CSMD1: variants seen among roughly 807,000 people sequenced by gnomAD.
The protein encoded by CSMD1 is CUB and Sushi multiple domains 1.
CSMD1 carries 213 observed loss-of-function variants against 417.5 expected under a neutral mutation model. That is an observed-to-expected ratio of 0.51 (90% confidence interval 0.46 to 0.57). The LOEUF (loss-of-function observed/expected upper bound fraction) is 0.57. CSMD1 is among the 20% of genes least tolerant of loss of function. The pLI is 0.00. For missense variants in CSMD1, 6,923 were observed against 4,529.7 expected (o/e 1.53, Z -15.17); for synonymous variants, 2,862 against 1,736.8 (o/e 1.65, Z -16.11).
At chr8:4,158,092 T>C (rs1340061153) in intron 3 of CSMD1, among the ~76,000 whole-genome samples, 2 of 149,848 alleles carry the variant, frequency 1.3e-5, no homozygotes, top group Non-Finnish European at 1.5e-5. Context: ...GAAAACCCTT[T>C]TTTTTTTTTT....
chr8:4,816,157 G>T (rs1298250139), intron 1 of CSMD1, among the ~76,000 whole-genome samples: 1 of 151,948 alleles, frequency 6.6e-6, no homozygotes, highest in Non-Finnish European at 1.5e-5. Context: ...TGCATGCTTT[G>T]GCTCAGGTTG....
intron 1 of CSMD1, among the ~76,000 whole-genome samples, chr8:4,940,546 T>C (rs1310347884): frequency 6.6e-6 from 1 of 152,208 alleles, no homozygotes; most frequent in East Asian, 1.9e-4. Flanking sequence ...TGAAAATTCA[T>C]CCACACAGTA....
At chr8:4,590,152 G>A (rs1381077387) in intron 2 of CSMD1, among the ~76,000 whole-genome samples, 1 of 151,808 alleles carries the variant, frequency 6.6e-6, no homozygotes, top group African/African-American at 2.4e-5. Context: ...AGTGAATTTT[G>A]CTCAGAATTC....
chr8:4,043,968 G>A (rs189514554), intron 3 of CSMD1, among the ~76,000 whole-genome samples: 5 of 152,022 alleles, frequency 3.3e-5, no homozygotes, highest in African/African-American at 9.7e-5. Context: ...TGATATAATT[G>A]AAATGCTTTT....
chr8:4,078,313 C>CT (rs34359373), intron 3 of CSMD1, among the ~76,000 whole-genome samples: 6,809 of 131,216 alleles, frequency 0.052, 293 homozygotes, highest in African/African-American at 0.1. Context: ...TGATATCCAA[C>CT]TTTTTTTTTT....
intron 3 of CSMD1, among the ~76,000 whole-genome samples, chr8:4,354,072 T>C (rs1801256820): frequency 6.6e-6 from 1 of 152,176 alleles, no homozygotes; most frequent in African/African-American, 2.4e-5. Flanking sequence ...ATTTCAGAAA[T>C]CTGCATGGCA....
chr8:3,902,706 G>C (rs911528559), intron 5 of CSMD1, among the ~76,000 whole-genome samples: 8 of 152,042 alleles, frequency 5.3e-5, no homozygotes, highest in African/African-American at 1.9e-4. Context: ...CTGTGGACTG[G>C]TACCAGTCCA....
chr8:4,236,879 G>A (rs1286409101), intron 3 of CSMD1, among the ~76,000 whole-genome samples: 1 of 152,162 alleles, frequency 6.6e-6, no homozygotes, highest in Non-Finnish European at 1.5e-5. Context: ...GACAGGCCAG[G>A]CAATGGTATA....
chr8:4,503,969 CA>C (rs200846437), intron 2 of CSMD1, among the ~76,000 whole-genome samples: 2,848 of 85,672 alleles, frequency 0.033, 68 homozygotes, highest in African/African-American at 0.11. Context: ...CTTGCATATT[CA>C]AAAAAAAAAA....
chr8:4,605,926 A>T (rs1030860007), intron 2 of CSMD1, among the ~76,000 whole-genome samples: 1 of 152,134 alleles, frequency 6.6e-6, no homozygotes, highest in African/African-American at 2.4e-5. Flanking sequence ...GGAGATGGAA[A>T]CATTTTTATG....
chr8:4,667,645 A>T (rs1456263869), intron 1 of CSMD1, among the ~76,000 whole-genome samples: 4 of 152,214 alleles, frequency 2.6e-5, no homozygotes, highest in Non-Finnish European at 5.9e-5. Context: ...AAAAAAATAC[A>T]AATTCTAATT....
intron 1 of CSMD1, among the ~76,000 whole-genome samples, chr8:4,948,121 T>A (rs904899463): frequency 2.0e-5 from 3 of 152,084 alleles, no homozygotes; most frequent in East Asian, 1.9e-4. Flanking sequence ...AATGGTCGTA[T>A]CAATTTATAC....
chr8:3,687,451 G>A (rs1484352355), intron 7 of CSMD1, among the ~76,000 whole-genome samples: 3 of 152,180 alleles, frequency 2.0e-5, no homozygotes, highest in Non-Finnish European at 4.4e-5. Context: ...TGGAAGCAGA[G>A]CCTTTATTGA....
Position 4,494,861 on chromosome 8 carries a change from C to T in CSMD1, c.303-74796G>A, listed in dbSNP as rs78556227. Among the ~76,000 whole-genome samples, 741 of 151,900 alleles carry T rather than the reference C, an allele frequency of 4.9e-3. 2 individuals carry two copies. Among genetic ancestry groups the T allele is most frequent in the African/African-American group, 0.017 (720 of 41,420 alleles). The stretch of plus-strand genomic sequence containing the variant: ...AGAGTCAGGGTAGGTAGCAATTCTA[C>T]CTGAAACATGGAAACAAAAGCTTAA... On this transcript the variant is annotated intron_variant, in intron 2 of 69. Coordinates refer to ENST00000635120, the MANE Select transcript of CSMD1 (RefSeq NM_033225.6).
At chr8:4,023,256 A>T (rs1796878426) in intron 4 of CSMD1, among the ~76,000 whole-genome samples, 1 of 152,330 alleles carries the variant, frequency 6.6e-6, no homozygotes, top group African/African-American at 2.4e-5. Context: ...CGCTGCGCAT[A>T]AAAACATCTG....
At chr8:3,369,598 A>G (rs1809820072) in intron 18 of CSMD1, among the ~76,000 whole-genome samples, 2 of 152,314 alleles carry the variant, frequency 1.3e-5, no homozygotes, top group Middle Eastern at 3.4e-3. Flanking sequence ...ACACAGAATA[A>G]GGCACAGCAG....
At chr8:4,417,707 C>T (rs1797021852) in intron 3 of CSMD1, among the ~76,000 whole-genome samples, 1 of 151,936 alleles carries the variant, frequency 6.6e-6, no homozygotes, top group Non-Finnish European at 1.5e-5. Flanking sequence ...AAGAGGAAAT[C>T]TGAGGTATCA....
intron 4 of CSMD1, among the ~76,000 whole-genome samples, chr8:4,002,932 CAG>C (rs1563306178): frequency 6.6e-6 from 1 of 152,054 alleles, no homozygotes; most frequent in African/African-American, 2.4e-5. Context: ...CTCAACTAAA[CAG>C]AAACTGTGAA....
At chr8:4,223,432 G>A (rs1801161695) in intron 3 of CSMD1, among the ~76,000 whole-genome samples, 2 of 152,250 alleles carry the variant, frequency 1.3e-5, no homozygotes, top group Admixed American at 1.3e-4. Flanking sequence ...AGGGATACGT[G>A]ACGAATAGGC....
Sources: allele counts gnomAD v4.1 joint callset (sites outside exome capture counted in the v4.1 genomes callset), GRCh38; gene constraint gnomAD v4.1.1; transcripts MANE v1.5; gene names NCBI Gene and HGNC (gene_info 2026-07-23, HGNC 2026-07-21).